LMBR1: variants seen among roughly 807,000 people sequenced by gnomAD.
The protein encoded by LMBR1 is limb region 1 protein homolog.
Under a neutral mutation model 73.9 loss-of-function variants are expected in LMBR1, and 52 were observed. The observed-to-expected ratio is 0.70, with a 90% CI of 0.56 to 0.89. LMBR1 has a LOEUF of 0.89. Among genes scored for constraint, LMBR1 ranks in the 40% least tolerant of loss-of-function variants. The probability of loss-of-function intolerance (pLI) is 0.00; values close to 1 mark genes in which losing one functional copy is unlikely to be tolerated. For missense variants in LMBR1, 539 were observed against 579.8 expected (o/e 0.93, Z 0.72); for synonymous variants, 215 against 209.4 (o/e 1.03, Z -0.23).
chr7:156,752,868 G>C (rs1031576326), intron 9 of LMBR1, among the ~76,000 whole-genome samples: 2 of 151,924 alleles, frequency 1.3e-5, no homozygotes, highest in African/African-American at 4.8e-5. Flanking sequence ...GCACAATCCA[G>C]TGAGACCACA....
chr7:156,801,811 T>C (rs1211062612), intron 4 of LMBR1, among the ~76,000 whole-genome samples: 1 of 151,708 alleles, frequency 6.6e-6, no homozygotes, highest in South Asian at 2.1e-4. Context: ...GGATTACAGA[T>C]GTGAGCCACT....
chr7:156,787,469 T>C (rs762781486), intron 5 of LMBR1, among the ~76,000 whole-genome samples: 7 of 150,186 alleles, frequency 4.7e-5, no homozygotes, highest in African/African-American at 7.5e-5. Flanking sequence ...AAACCAACTA[T>C]GTAAAAAAAA....
chr7:156,727,932 T>C lies in LMBR1; in HGVS notation c.991A>G (p.Arg331Gly). The change falls in exon 12 of 17, where the codon AGG becomes GGG. Residue 331 changes from arginine (R) to glycine (G), a missense_variant and splice_region_variant. By Grantham distance (125) the Arg-to-Gly change is moderately radical. Transcript: ENST00000353442. ...CATTTTAAAGGATTTTACTTTACCC[T>C]TGTTCCTTTTGGCATTGCTGTTTCA... ...VDETAMPKGT[R>G]GPGIGNASLS... is the part of the protein sequence containing the mutation. The C allele has an allele frequency of 6.2e-7, 1 of 1,610,536 alleles. No individual in the cohort carries two copies. Among genetic ancestry groups the C allele is most frequent in the Non-Finnish European group, 8.5e-7 (1 of 1,177,192 alleles).
chr7:156,879,409 A>G (rs976570234), intron 1 of LMBR1, among the ~76,000 whole-genome samples: 1 of 152,210 alleles, frequency 6.6e-6, no homozygotes, highest in African/African-American at 2.4e-5. Context: ...TCACGCCTGT[A>G]ATCCCAGCAC....
intron 15 of LMBR1, among the ~76,000 whole-genome samples, chr7:156,698,038 C>A (rs1478205396): frequency 6.6e-6 from 1 of 152,314 alleles, no homozygotes; most frequent in African/African-American, 2.4e-5. Context: ...TGGGTAAATA[C>A]AGCCATTCCA....
chr7:156,728,261 A>T (rs1001501523), intron 11 of LMBR1, among the ~76,000 whole-genome samples: 4 of 152,228 alleles, frequency 2.6e-5, no homozygotes, highest in African/African-American at 7.2e-5. Context: ...GATCTCACCA[A>T]TTGGAAACAC....
intron 15 of LMBR1, among the ~76,000 whole-genome samples, chr7:156,697,536 C>T (rs1808577190): frequency 6.6e-6 from 1 of 152,104 alleles, no homozygotes; most frequent in African/African-American, 2.4e-5. Context: ...TTATAGACCT[C>T]CCCCCAGGAA....
chr7:156,871,837 T>C (rs1278039184), intron 1 of LMBR1, among the ~76,000 whole-genome samples: 2 of 152,150 alleles, frequency 1.3e-5, no homozygotes, highest in Admixed American at 6.5e-5. Flanking sequence ...CTATCCTACT[T>C]AATTGTGAAA....
At chr7:156,698,717 A>G (rs1230929783) in intron 15 of LMBR1, among the ~76,000 whole-genome samples, 1 of 152,032 alleles carries the variant, frequency 6.6e-6, no homozygotes, top group East Asian at 1.9e-4. Context: ...CAGCCCCATG[A>G]AACCACTTTT....
chr7:156,776,013 G>C (rs1367270209), intron 5 of LMBR1, among the ~76,000 whole-genome samples: 1 of 150,254 alleles, frequency 6.7e-6, no homozygotes, highest in African/African-American at 2.4e-5. Flanking sequence ...CTACCTTATA[G>C]GGTTGTTATA....
rs746584168 is a variant in LMBR1, at chr7:156,826,669, A to G, written c.255T>C (p.Asn85=). 6.2e-6 allele frequency: 10 copies of G among 1,608,564 alleles called. No individual in the cohort carries two copies. The highest frequency in any genetic ancestry group is 2.2e-5 in the East Asian group (1 of 44,832). The stretch of plus-strand genomic sequence containing the variant: ...TCTGAGGAAAAGAAAGCAGGATTTC[A>G]TTGCTGATGATTGAGAAGGGTAAAA... ...VLLLPFSIIS[N]EILLSFPQNY... Residue 85 remains asparagine, a synonymous_variant, in exon 4 of 17, where the codon AAT becomes AAC. Transcript: ENST00000353442.
chr7:156,693,633 T>C (rs570058566), intron 15 of LMBR1, among the ~76,000 whole-genome samples: 50 of 152,218 alleles, frequency 3.3e-4, no homozygotes, highest in African/African-American at 1.0e-3. Flanking sequence ...AACAAGAAGA[T>C]TGAATCACTA....
At chr7:156,710,941 G>T (rs983248015) in intron 15 of LMBR1, among the ~76,000 whole-genome samples, 1 of 151,982 alleles carries the variant, frequency 6.6e-6, no homozygotes, top group East Asian at 1.9e-4. Flanking sequence ...AAATGAAGAA[G>T]AAAAATAAAG....
At chr7:156,878,736 C>T (rs1414674032) in intron 1 of LMBR1, among the ~76,000 whole-genome samples, 1 of 152,052 alleles carries the variant, frequency 6.6e-6, no homozygotes, top group Non-Finnish European at 1.5e-5. Flanking sequence ...AAAAAGAGCC[C>T]GCGTAGCCAA....
chr7:156,747,995 A>G (rs990530836), intron 9 of LMBR1: 14 of 152,250 alleles, frequency 9.2e-5, no homozygotes, highest in Non-Finnish European at 1.8e-4. Flanking sequence ...AGGACATTCA[A>G]ATCTCTAATG....
At chr7:156,709,892 GTTGA>G (rs1811707573) in intron 15 of LMBR1, among the ~76,000 whole-genome samples, 2 of 133,870 alleles carry the variant, frequency 1.5e-5, no homozygotes, top group South Asian at 4.8e-4. Flanking sequence ...AATTCAGAAG[GTTGA>G]TTTTTTTTTT....
intron 15 of LMBR1, among the ~76,000 whole-genome samples, chr7:156,714,950 T>C (rs1212096522): frequency 1.3e-5 from 2 of 148,296 alleles, no homozygotes; most frequent in African/African-American, 5.1e-5. Flanking sequence ...AAAAATACTT[T>C]TTTCTTTTTT....
intron 9 of LMBR1, among the ~76,000 whole-genome samples, chr7:156,739,700 G>A (rs991724059): frequency 6.6e-5 from 10 of 152,300 alleles, no homozygotes; most frequent in East Asian, 3.9e-4. Flanking sequence ...TGAGGCATTC[G>A]TCTGCAAGAA....
intron 9 of LMBR1, among the ~76,000 whole-genome samples, chr7:156,742,976 A>G (rs934771633): frequency 7.2e-5 from 11 of 152,236 alleles, no homozygotes; most frequent in African/African-American, 2.7e-4. Context: ...CATCATATCA[A>G]TGGAATGAAG....
Sources: gnomAD v4.1 joint callset for allele counts (sites outside exome capture counted in the v4.1 genomes callset) on GRCh38, gnomAD v4.1.1 for gene constraint, MANE v1.5 for transcripts, NCBI Gene and HGNC (gene_info 2026-07-23, HGNC 2026-07-21) for gene names.